USH2A: variants seen among roughly 807,000 people sequenced by gnomAD.
USH2A encodes usherin, also known as Usher syndrome 2A (autosomal recessive, mild).
In USH2A, 443 loss-of-function variants were observed where a neutral mutation model predicts 538.9. That is an observed-to-expected ratio of 0.82 (90% CI 0.76 to 0.89). The LOEUF is 0.89. Ranked by LOEUF, USH2A falls within the 40% of genes least tolerant of loss-of-function variation. The pLI is 0.00. For missense variants in USH2A, 6,633 were observed against 6,324.8 expected, an observed-to-expected ratio of 1.05 and a Z score of -1.65; for synonymous variants, 2,413 against 2,273.5, an observed-to-expected ratio of 1.06 and a Z score of -1.75.
chr1:216,250,699 G>T (rs890553265), intron 12 of USH2A, among the ~76,000 whole-genome samples: 2 of 152,044 alleles, frequency 1.3e-5, no homozygotes, highest in African/African-American at 2.4e-5. Flanking sequence ...CTTCTAAAGG[G>T]TTGATTAAAC....
At chr1:215,768,906 C>T (rs1370310010) in intron 55 of USH2A, among the ~76,000 whole-genome samples, 4 of 152,080 alleles carry the variant, frequency 2.6e-5, no homozygotes, top group Admixed American at 2.0e-4. Context: ...CCTATAGTGC[C>T]CATTTTTAGG....
chr1:216,074,404 C>G lies in USH2A; in HGVS notation c.5573-1104G>C, dbSNP rs17026038. Among the ~76,000 whole-genome samples, 1,829 of 151,952 alleles carry G rather than the reference C, an allele frequency of 0.012. 32 individuals are homozygous for G. Among genetic ancestry groups the G allele is most frequent in the African/African-American group, 0.042 (1,748 of 41,432 alleles). On this transcript the variant is annotated intron_variant, in intron 27 of 71. Coordinates refer to ENST00000307340, the MANE Select transcript of USH2A (RefSeq NM_206933.4). ...CCTCAAACACATGATCAGCTCTTTT[C>G]AAGATTAAAGCACAGCAGCAGGAAA...
chr1:216,269,256 T>C (rs2036531853), intron 11 of USH2A, among the ~76,000 whole-genome samples: 1 of 152,104 alleles, frequency 6.6e-6, no homozygotes, highest in Non-Finnish European at 1.5e-5. Flanking sequence ...GCTGTTCTCA[T>C]GATAGTGAAT....
At chr1:215,669,224 C>G (rs1347287853) in intron 64 of USH2A, among the ~76,000 whole-genome samples, 1 of 152,100 alleles carries the variant, frequency 6.6e-6, no homozygotes, top group African/African-American at 2.4e-5. Context: ...AGCTCTCTCA[C>G]GAAGGTACCA....
chr1:215,899,616 G>A (rs575606306), intron 40 of USH2A, among the ~76,000 whole-genome samples: 2 of 152,180 alleles, frequency 1.3e-5, no homozygotes, highest in East Asian at 3.9e-4. Context: ...TATGCTGAAG[G>A]CTGTCTTTGG....
At chr1:216,343,120 AAAGT>A (rs1237246171) in intron 4 of USH2A, among the ~76,000 whole-genome samples, 5 of 152,096 alleles carry the variant, frequency 3.3e-5, no homozygotes, top group African/African-American at 1.2e-4. Flanking sequence ...AACTAGAAGT[AAAGT>A]AATAATTGGC....
At chr1:216,190,477 C>A in intron 19 of USH2A, 110 bp from the exon 20 acceptor site, 1 of 1,417,442 alleles carries the variant, frequency 7.1e-7, no homozygotes, top group Non-Finnish European at 9.6e-7. Context: ...GGAATTATTG[C>A]CAACCACCAT....
intron 11 of USH2A, among the ~76,000 whole-genome samples, chr1:216,278,610 T>TTTTCAC: frequency 6.6e-6 from 1 of 152,332 alleles, no homozygotes. Flanking sequence ...AACTCTCCTC[T>TTTTCAC]TTTCACATCC....
At chr1:215,977,858 G>A (rs563776454) in intron 35 of USH2A, among the ~76,000 whole-genome samples, 2 of 152,308 alleles carry the variant, frequency 1.3e-5, no homozygotes, top group African/African-American at 2.4e-5. Context: ...AAGCATGGTG[G>A]CTCATGCCTA....
At position 216,285,885 on chromosome 1, in the gene USH2A, C is replaced by T. The variant is rs151033355; in HGVS notation, c.1971+3395G>A. On this transcript the variant is annotated intron_variant, in intron 11 of 71. Transcript: ENST00000307340. ...TTGCATGGGGACTGTAGGCCCTTTG[C>T]TTTGGCCAATTTCTCCTATTTGGAA... 5.0e-3 allele frequency among the ~76,000 whole-genome samples: 756 copies of T among 152,312 alleles called. 6 individuals carry two copies. Among genetic ancestry groups the T allele is most frequent in the African/African-American group, 0.018 (737 of 41,570 alleles).
intron 64 of USH2A, among the ~76,000 whole-genome samples, chr1:215,667,629 C>A (rs900442273): frequency 6.6e-6 from 1 of 150,794 alleles, no homozygotes; most frequent in Non-Finnish European, 1.5e-5. Flanking sequence ...ACCCGGGAGG[C>A]GGAGGTTACA....
intron 14 of USH2A, among the ~76,000 whole-genome samples, chr1:216,222,800 G>A (rs1361746189): frequency 2.0e-5 from 3 of 152,118 alleles, no homozygotes; most frequent in African/African-American, 7.2e-5. Context: ...CCAACATGGA[G>A]AAACCCTGTC....
chr1:216,231,282 C>T (rs1477641762), intron 14 of USH2A, among the ~76,000 whole-genome samples: 20 of 46,440 alleles, frequency 4.3e-4, no homozygotes, highest in African/African-American at 6.6e-4. Flanking sequence ...AATATATATA[C>T]ACAGAGAGAC....
intron 37 of USH2A, among the ~76,000 whole-genome samples, 178 bp from the exon 38 acceptor site, chr1:215,934,973 T>G (rs1666457486): frequency 6.6e-6 from 1 of 152,036 alleles, no homozygotes; most frequent in Admixed American, 6.6e-5. Flanking sequence ...TATTATCTTG[T>G]GAACAAAAGT....
rs375223901 is a variant in USH2A, at chr1:215,675,287, G to T, written c.12624C>A (p.Asp4208Glu). Residue 4208 changes from aspartate (D) to glutamate (E), a missense_variant, in exon 63 of 72, where the codon GAC becomes GAA. Asp to Glu is a conservative substitution (Grantham distance 45). Transcript: ENST00000307340. The part of the protein sequence containing the change: ...KAWGNQTIQA[D>E]EKIVFTEYNT... ...TATATTCTGTGAAAACAATTTTCTCGTCGGCCTGGATTGTCTGATTTCCCC... is the reference window on the plus strand; with the variant it reads ...TATATTCTGTGAAAACAATTTTCTCTTCGGCCTGGATTGTCTGATTTCCCC... 15 of 1,614,036 alleles carry T rather than the reference G, an allele frequency of 9.3e-6. No individual in the cohort carries two copies. In the East Asian group the frequency reaches 2.7e-4, roughly 29 times the overall value.
At chr1:215,872,588 G>A (rs1021134907) in intron 43 of USH2A, among the ~76,000 whole-genome samples, 3 of 151,964 alleles carry the variant, frequency 2.0e-5, no homozygotes, top group African/African-American at 7.3e-5. Flanking sequence ...AAAACACTAG[G>A]GGAAAAAAAC....
At chr1:215,851,887 T>C (rs984815582) in intron 44 of USH2A, among the ~76,000 whole-genome samples, 4 of 151,888 alleles carry the variant, frequency 2.6e-5, no homozygotes, top group Admixed American at 1.3e-4. Context: ...GTTTAACATA[T>C]GCAAGTCAAT....
At chr1:215,746,624 T>C (rs1414918768) in intron 58 of USH2A, among the ~76,000 whole-genome samples, 1 of 152,250 alleles carries the variant, frequency 6.6e-6, no homozygotes, top group Non-Finnish European at 1.5e-5. Context: ...TTCTTAAATG[T>C]ATGTATAGCT....
At chr1:215,918,467 T>C (rs1444290903) in intron 38 of USH2A, among the ~76,000 whole-genome samples, 1 of 152,106 alleles carries the variant, frequency 6.6e-6, no homozygotes, top group African/African-American at 2.4e-5. Context: ...TGACTGTCTA[T>C]GAAGAAGAGC....
Sources: allele counts gnomAD v4.1 joint callset (sites outside exome capture counted in the v4.1 genomes callset), GRCh38; gene constraint gnomAD v4.1.1; transcripts MANE v1.5; gene names NCBI Gene and HGNC (gene_info 2026-07-23, HGNC 2026-07-21).